The following SNX30 variants were observed in gnomAD, a reference collection of about 807,000 sequenced individuals.
SNX30 encodes the protein sorting nexin-30.
A neutral mutation model predicts 46.4 loss-of-function variants in SNX30; 24 were observed. That is an observed-to-expected ratio of 0.52 (90% CI 0.37 to 0.73). The LOEUF (loss-of-function observed/expected upper bound fraction) is 0.73, where lower values mean the gene tolerates loss of function less well. Among genes scored for constraint, SNX30 ranks in the 30% least tolerant of loss-of-function variants. SNX30 has a pLI of 0.00. For synonymous variants in SNX30, 189 were observed against 211.5 expected (o/e 0.89, Z 0.92); for missense variants, 533 against 555.7 (o/e 0.96, Z 0.41).
At chr9:112,828,647 C>T (rs753357618) in intron 3 of SNX30, among the ~76,000 whole-genome samples, 17 of 152,080 alleles carry the variant, frequency 1.1e-4, no homozygotes, top group South Asian at 2.1e-4. Context: ...ATCAGGGATC[C>T]GTTGACAGGG....
intron 8 of SNX30, among the ~76,000 whole-genome samples, chr9:112,865,622 GC>G (rs1667857594): frequency 5.3e-5 from 3 of 56,220 alleles, no homozygotes; most frequent in South Asian, 7.5e-4. Context: ...ATCCTGTCAC[GC>G]CATATATATA....
rs1309236198 is a variant in SNX30 at position 112,868,826 on chromosome 9, A to G, written c.1297A>G (p.Lys433Glu). 3 of 1,614,014 alleles carry G rather than the reference A, an allele frequency of 1.9e-6. No individual in the cohort carries two copies. The highest frequency in any genetic ancestry group is 2.7e-5 in the African/African-American group (2 of 74,918). The stretch of plus-strand genomic sequence containing the variant: ...GTCGATTATTCCACTACTGCAGGAG[A>G]AACAAGAGGCCAAGTAAAGTTCTTT... ...WESIIPLLQE[K>E]QEAK Residue 433 changes from lysine to glutamate, a missense_variant, in exon 9 of 9, where the codon AAA becomes GAA. This residue lies in a region of SNX30 where 261 missense variants were observed against 270.9 expected (regional missense o/e 0.96). Transcript: ENST00000374232.
intron 1 of SNX30, among the ~76,000 whole-genome samples, chr9:112,761,216 G>A (rs1839430326): frequency 6.6e-6 from 1 of 152,216 alleles, no homozygotes; most frequent in Non-Finnish European, 1.5e-5. Flanking sequence ...AGGCTGGAGT[G>A]CAGTGGTGTT....
At position 112,870,643 on chromosome 9, in the gene SNX30, C is replaced by A. The variant is rs141490928; in HGVS notation, c.*1800C>A. The A allele has an allele frequency of 6.6e-6, 1 of 152,158 alleles. No individual in the cohort carries two copies. The highest frequency in any genetic ancestry group is 2.4e-5 in the African/African-American group (1 of 41,418). 9.4% of individuals were successfully genotyped at this position (152,158 alleles called of 1,614,324 possible). ...GGACAGGTAAGAACAACCCATGTAC[C>A]CCCGAGTGATTGCATGCTTTATTCT... On this transcript the variant is annotated 3_prime_UTR_variant, in exon 9 of 9. Coordinates refer to ENST00000374232, the MANE Select transcript of SNX30 (RefSeq NM_001012994.2).
chr9:112,811,093 T>C (rs1186573458), intron 2 of SNX30, among the ~76,000 whole-genome samples: 2 of 152,088 alleles, frequency 1.3e-5, no homozygotes, highest in African/African-American at 4.8e-5. Context: ...TCCAGAGAGC[T>C]TGGCAGAAAG....
At chr9:112,794,794 TA>T (rs1840082891) in intron 1 of SNX30, among the ~76,000 whole-genome samples, 1 of 152,222 alleles carries the variant, frequency 6.6e-6, no homozygotes, top group Non-Finnish European at 1.5e-5. Context: ...TGGCTGACCA[TA>T]ATGGTGTATC....
At chr9:112,804,494 A>G (rs1048422351) in intron 1 of SNX30, among the ~76,000 whole-genome samples, 3 of 152,158 alleles carry the variant, frequency 2.0e-5, no homozygotes, top group Non-Finnish European at 2.9e-5. Context: ...TGGTGGGGCC[A>G]TTATGTTCTC....
Position 112,750,927 on chromosome 9 carries a change from CCGGGGTGCT to C in SNX30, c.-69_-61del. ...AAGCGGCGGCCGAGCGGGGCTCGGC[CCGGGGTGCT>C]CGGGGAGCTCGCCGCGGCGGGCAGC... On this transcript the variant is annotated 5_prime_UTR_variant, in exon 1 of 9. Transcript: ENST00000374232. 1 of 1,156,044 alleles carries C rather than the reference CCGGGGTGCT, an allele frequency of 8.7e-7. No homozygotes were observed. Among genetic ancestry groups the C allele is most frequent in the Non-Finnish European group, 1.1e-6 (1 of 939,528 alleles). The allele number at this position is 1,156,044 out of a possible 1,614,324, so 71.6% of individuals were successfully genotyped here. A position where few individuals can be genotyped will look rare whatever the true frequency, so the allele number is the denominator to read the frequency against.
intron 1 of SNX30, among the ~76,000 whole-genome samples, chr9:112,796,142 G>T (rs1840104479): frequency 6.6e-6 from 1 of 152,172 alleles, no homozygotes; most frequent in African/African-American, 2.4e-5. Context: ...ATCAAACCAG[G>T]CCAGATTGTG....
intron 8 of SNX30, among the ~76,000 whole-genome samples, chr9:112,865,567 T>C (rs1383164393): frequency 6.8e-6 from 1 of 147,780 alleles, no homozygotes; most frequent in Non-Finnish European, 1.5e-5. Context: ...CAGTGAGTCA[T>C]GATTGTGCAC....
At chr9:112,813,655 G>C (rs895967185) in intron 2 of SNX30, among the ~76,000 whole-genome samples, 1 of 151,892 alleles carries the variant, frequency 6.6e-6, no homozygotes, top group Admixed American at 6.6e-5. Flanking sequence ...TGTATTTTTA[G>C]TAGAGACAGG....
chr9:112,766,724 G>A (rs1418376772), intron 1 of SNX30, among the ~76,000 whole-genome samples: 1 of 151,976 alleles, frequency 6.6e-6, no homozygotes, highest in African/African-American at 2.4e-5. Flanking sequence ...TTGTCTTTTG[G>A]TGACTGGCTT....
At chr9:112,755,610 C>T (rs1338250777) in intron 1 of SNX30, among the ~76,000 whole-genome samples, 1 of 151,722 alleles carries the variant, frequency 6.6e-6, no homozygotes, top group African/African-American at 2.4e-5. Flanking sequence ...GAGCATTCCC[C>T]TGAATTAGTT....
chr9:112,794,555 G>T (rs1302293048), intron 1 of SNX30, among the ~76,000 whole-genome samples: 2 of 152,112 alleles, frequency 1.3e-5, no homozygotes, highest in African/African-American at 4.8e-5. Flanking sequence ...TACCCTTAAC[G>T]TAAAGATGCC....
exon 5 of SNX30, chr9:112,880,422 G>T (rs1841562732): frequency 6.5e-6 from 1 of 152,768 alleles, no homozygotes; most frequent in Non-Finnish European, 1.5e-5. Context: ...CAGCAGAATG[G>T]CTAGTGCCAA....
intron 3 of SNX30, among the ~76,000 whole-genome samples, chr9:112,828,905 A>G (rs1840617053): frequency 6.6e-6 from 1 of 152,054 alleles, no homozygotes; most frequent in East Asian, 1.9e-4. Flanking sequence ...TGAAGCAGTC[A>G]CATCTCATTT....
chr9:112,761,115 C>G (rs1271974603), intron 1 of SNX30, among the ~76,000 whole-genome samples: 1 of 152,050 alleles, frequency 6.6e-6, no homozygotes, highest in Non-Finnish European at 1.5e-5. Context: ...TGGAGGTTAG[C>G]TTTTATTCTT....
chr9:112,811,475 G>A (rs1840318388), intron 2 of SNX30, among the ~76,000 whole-genome samples: 1 of 152,164 alleles, frequency 6.6e-6, no homozygotes, highest in South Asian at 2.1e-4. Context: ...AGGGTGAGTG[G>A]GGCCCAGTAG....
chr9:112,787,008 C>T (rs142707339), intron 1 of SNX30, among the ~76,000 whole-genome samples: 23 of 152,174 alleles, frequency 1.5e-4, no homozygotes, highest in Non-Finnish European at 1.0e-4. Context: ...CACCCACATT[C>T]GGTCTGAGTC....
Sources: gnomAD v4.1 joint callset for allele counts (sites outside exome capture counted in the v4.1 genomes callset) on GRCh38, gnomAD v4.1.1 for gene constraint, gnomAD v4.1.1 regional missense constraint, MANE v1.5 for transcripts, NCBI Gene and HGNC (gene_info 2026-07-23, HGNC 2026-07-21) for gene names.